The following WDR17 variants were observed in gnomAD, a reference collection of about 807,000 sequenced individuals.
WDR17 encodes the protein WD repeat-containing protein 17.
In WDR17, 143 loss-of-function variants were observed where a neutral mutation model predicts 161.7. The observed-to-expected ratio is 0.88, with a 90% confidence interval of 0.77 to 1.02. WDR17 has a LOEUF of 1.02. WDR17 is among the 50% of genes least tolerant of loss of function. The pLI is 0.00. For missense variants in WDR17, 1,469 were observed against 1,520.9 expected (o/e 0.97, Z 0.57); for synonymous variants, 517 against 515.6 (o/e 1.00, Z -0.04).
chr4:176,156,897 C>CT (rs1182201173), intron 18 of WDR17, among the ~76,000 whole-genome samples: 1 of 152,086 alleles, frequency 6.6e-6, no homozygotes. Flanking sequence ...CCAGTCTCTC[C>CT]TTTATCTGCA....
At chr4:176,151,415 A>G (rs1747093094) in intron 16 of WDR17, among the ~76,000 whole-genome samples, 1 of 152,150 alleles carries the variant, frequency 6.6e-6, no homozygotes. Flanking sequence ...ACCCCAAAAT[A>G]TTATGTTTAG....
chr4:176,115,810 T>C lies in WDR17; in HGVS notation c.138T>C (p.Tyr46=), dbSNP rs1345142121. The C allele has an allele frequency of 4.4e-6, 7 of 1,604,964 alleles. No homozygotes were observed. In the African/African-American group the frequency reaches 9.4e-5, roughly 22 times the overall value. Residue 46 remains tyrosine, a synonymous_variant, in exon 3 of 29, where the codon TAT becomes TAC. Coordinates refer to ENST00000508596, the MANE Select transcript of WDR17 (RefSeq NM_181265.4). ...TTTTGTTTTAGTTGGATCACCGTTA[T>C]AATGAATTCAAACTTCACGCAATTA... ...AIYIYQLDHR[Y]NEFKLHAIMS...
intron 17 of WDR17, among the ~76,000 whole-genome samples, chr4:176,155,358 T>C (rs1258381997): frequency 6.6e-6 from 1 of 151,646 alleles, no homozygotes; most frequent in Non-Finnish European, 1.5e-5. Context: ...TTGTGGAAAA[T>C]GGAATTAAAA....
chr4:176,074,507 A>G (rs1733699573), intron 1 of WDR17, among the ~76,000 whole-genome samples: 1 of 152,090 alleles, frequency 6.6e-6, no homozygotes, highest in African/African-American at 2.4e-5. Context: ...TCCAGGCTAA[A>G]GTGCAGTGGC....
chr4:176,120,296 A>G (rs1436434230), intron 4 of WDR17, among the ~76,000 whole-genome samples, 199 bp downstream of exon 4: 1 of 75,838 alleles, frequency 1.3e-5, no homozygotes, highest in Admixed American at 1.1e-4. Flanking sequence ...TTTTATATAT[A>G]TATATATATA....
chr4:176,131,622 T>C lies in WDR17; in HGVS notation c.982T>C (p.Leu328=). ...STSEAVPPPT[L]TQNQAFSLPP... ...AAGCGAAGCAGTTCCACCCCCAACTTTAACACAGAATCAAGCATTTTCTCT... is the reference window on the plus strand; with the variant it reads ...AAGCGAAGCAGTTCCACCCCCAACTCTAACACAGAATCAAGCATTTTCTCT... Residue 328 remains leucine (L), a synonymous_variant, in exon 7 of 29, where the codon TTA becomes CTA. Transcript: ENST00000508596. The C allele has an allele frequency of 6.2e-7, 1 of 1,613,756 alleles. No individual in the cohort carries two copies. Among genetic ancestry groups the C allele is most frequent in the Non-Finnish European group, 8.5e-7 (1 of 1,179,814 alleles).
intron 1 of WDR17, among the ~76,000 whole-genome samples, chr4:176,091,056 C>T (rs1736058515): frequency 6.6e-6 from 1 of 152,180 alleles, no homozygotes; most frequent in African/African-American, 2.4e-5. Flanking sequence ...GGCATCATGG[C>T]CATCACAAGC....
intron 1 of WDR17, among the ~76,000 whole-genome samples, chr4:176,086,487 G>A (rs951691798): frequency 3.3e-5 from 5 of 151,814 alleles, no homozygotes; most frequent in African/African-American, 1.2e-4. Context: ...TCATTTGGAT[G>A]CAACCAGTTT....
At chr4:176,127,686 G>A (rs1742680542) in intron 5 of WDR17, among the ~76,000 whole-genome samples, 1 of 152,158 alleles carries the variant, frequency 6.6e-6, no homozygotes, top group Non-Finnish European at 1.5e-5. Context: ...ATGCAGTTCA[G>A]TGGTTTCTAG....
In WDR17 at chr4:176,128,503, G is replaced by A. The variant is rs374265562; in HGVS notation, c.791-235G>A. ...TTGGAGGAAGCTGCCAAAACAGGCC[G>A]TTTCTAAACCTATAAAAGGTTTTGG... is the stretch of plus-strand genomic sequence containing the variant. On this transcript the variant is annotated intron_variant, in intron 5 of 28. Transcript: ENST00000508596. 2.6e-5 allele frequency among the ~76,000 whole-genome samples: 4 copies of A among 152,132 alleles called. No individual in the cohort carries two copies. The East Asian group carries it at 5.8e-4, about 22-fold the overall frequency.
chr4:176,166,240 A>G, intron 22 of WDR17: 1 of 376,976 alleles, frequency 2.7e-6, no homozygotes, highest in Non-Finnish European at 4.7e-6. Context: ...AGAAATATTT[A>G]TCAACTATTT....
rs1310419329 is a variant in WDR17, at chr4:176,177,146, TCCA to T, written c.3542_3544del (p.Thr1181del). The T allele has an allele frequency of 1.9e-6, 3 of 1,613,348 alleles. No individual in the cohort carries two copies. In the African/African-American group the frequency reaches 4.0e-5, roughly 21 times the overall value. On this transcript the variant is annotated inframe_deletion, in exon 27 of 29. Coordinates refer to ENST00000508596, the MANE Select transcript of WDR17 (RefSeq NM_181265.4). ...GGATGCATGGAGAGCTTGCACACAG[TCCA>T]CCAACAGGTGAGCAAATATGATATA...
chr4:176,071,611 G>A (rs577849228), intron 1 of WDR17, among the ~76,000 whole-genome samples: 66 of 152,072 alleles, frequency 4.3e-4, no homozygotes, highest in Non-Finnish European at 5.7e-4. Flanking sequence ...CACCACACCC[G>A]GCCTTTCCCT....
At position 176,166,169 on chromosome 4, in the gene WDR17, C is replaced by A. The variant is rs771261913; in HGVS notation, c.2991-2503C>A. On this transcript the variant is annotated intron_variant, in intron 22 of 28. Transcript: ENST00000508596. ...GGTATTATCTACTTTTATTTAAGAA[C>A]ACATTCCTTTAAAATGTATATACTC... The A allele has an allele frequency of 5.3e-5, 46 of 862,188 alleles. No individual in the cohort carries two copies. The African/African-American group carries it at 7.8e-4, about 15-fold the overall frequency. 53.4% of individuals were successfully genotyped at this position (862,188 alleles called of 1,614,324 possible). A position where few individuals can be genotyped will look rare whatever the true frequency, so the allele number is the denominator to read the frequency against.
chr4:176,131,806 A>G (rs1263495466), intron 7 of WDR17, 68 bp downstream of exon 7: 1 of 1,183,962 alleles, frequency 8.4e-7, no homozygotes. Context: ...CTTTACTTTT[A>G]CCTGTCTGAA....
intron 24 of WDR17, 35 bp from the exon 25 acceptor site, chr4:176,173,232 T>C (rs1579265767): frequency 1.4e-6 from 2 of 1,417,544 alleles, no homozygotes; most frequent in Non-Finnish European, 2.0e-6. Flanking sequence ...GAGACTGTTA[T>C]TTAATGAATC....
chr4:176,072,094 C>T (rs1173111670), intron 1 of WDR17, among the ~76,000 whole-genome samples: 1 of 152,132 alleles, frequency 6.6e-6, no homozygotes, highest in Non-Finnish European at 1.5e-5. Context: ...TACTTGTGAC[C>T]TATTTTGTCT....
chr4:176,112,117 A>G (rs1031629583), intron 2 of WDR17, among the ~76,000 whole-genome samples: 3 of 152,192 alleles, frequency 2.0e-5, no homozygotes, highest in Non-Finnish European at 4.4e-5. Context: ...TTCATATAGA[A>G]GTGCCATAAG....
At chr4:176,137,436 T>G in intron 8 of WDR17, 84 bp from the exon 9 acceptor site, 1 of 1,117,016 alleles carries the variant, frequency 9.0e-7, no homozygotes, top group African/African-American at 1.6e-5. Context: ...ATCACAGTTC[T>G]TACATTTTCA....
Sources: gnomAD v4.1 joint callset for allele counts (sites outside exome capture counted in the v4.1 genomes callset) on GRCh38, gnomAD v4.1.1 for gene constraint, MANE v1.5 for transcripts, NCBI Gene and HGNC (gene_info 2026-07-23, HGNC 2026-07-21) for gene names.